Variants in RP1 observed in about 807,000 individuals in gnomAD.
The protein encoded by RP1 is RP1 axonemal microtubule associated.
In RP1, 16 loss-of-function variants were observed where a neutral mutation model predicts 14.8. The ratio of observed to expected loss-of-function variants is 1.08; its 90% CI spans 0.73 to 1.65. The LOEUF (loss-of-function observed/expected upper bound fraction) is 1.65. Among genes scored for constraint, RP1 ranks in the 40% most tolerant of loss-of-function variants. RP1 has a pLI of 0.00. For synonymous variants in RP1, 876 were observed against 883.6 expected, an observed-to-expected ratio of 0.99 and a Z score of 0.15; for missense variants, 2,631 against 2,535.0, an observed-to-expected ratio of 1.04 and a Z score of -0.81.
chr8:54,602,316 T>A (rs1158666186), intron 1 of RP1, among the ~76,000 whole-genome samples: 1 of 152,230 alleles, frequency 6.6e-6, no homozygotes, highest in East Asian at 1.9e-4. Flanking sequence ...GACAGTTTGC[T>A]GAGAATGATG....
intron 23 of RP1, among the ~76,000 whole-genome samples, chr8:54,779,099 G>A (rs936140799): frequency 2.6e-5 from 4 of 151,976 alleles, no homozygotes; most frequent in Non-Finnish European, 4.4e-5. Flanking sequence ...CGACTTCTCC[G>A]CCAAGTAAGA....
chr8:54,809,499 G>C (rs1354860468), intron 24 of RP1, among the ~76,000 whole-genome samples: 3 of 152,214 alleles, frequency 2.0e-5, no homozygotes, highest in Non-Finnish European at 4.4e-5. Context: ...CAGTATGCTA[G>C]TAGTAGCAGA....
chr8:54,814,081 C>A (rs544527315), intron 24 of RP1, among the ~76,000 whole-genome samples: 1 of 152,276 alleles, frequency 6.6e-6, no homozygotes, highest in South Asian at 2.1e-4. Context: ...GGCAGAGAAT[C>A]TCCTTACCTC....
chr8:54,710,002 T>C (rs1808257496), intron 15 of RP1, among the ~76,000 whole-genome samples: 1 of 152,230 alleles, frequency 6.6e-6, no homozygotes, highest in Non-Finnish European at 1.5e-5. Flanking sequence ...TGGCTGGCCA[T>C]GCCATCAGGG....
chr8:54,859,898 C>A (rs1400190158), intron 27 of RP1, among the ~76,000 whole-genome samples: 6 of 152,198 alleles, frequency 3.9e-5, no homozygotes, highest in East Asian at 3.9e-4. Flanking sequence ...GTTAGTAGAA[C>A]CCCCAGACTC....
chr8:54,751,704 AC>A (rs1487489560), intron 19 of RP1, among the ~76,000 whole-genome samples: 2 of 152,346 alleles, frequency 1.3e-5, no homozygotes, highest in African/African-American at 4.8e-5. Context: ...CTATCATGTA[AC>A]GGGGCTTAAA....
intron 24 of RP1, among the ~76,000 whole-genome samples, chr8:54,800,574 G>A (rs944643790): frequency 6.6e-6 from 1 of 151,936 alleles, no homozygotes; most frequent in Non-Finnish European, 1.5e-5. Flanking sequence ...AAATCTTTGT[G>A]TTTCAATTAA....
chr8:54,774,672 T>C (rs887739466), downstream of RP1, among the ~76,000 whole-genome samples: 6 of 152,186 alleles, frequency 3.9e-5, no homozygotes, highest in African/African-American at 1.2e-4. Flanking sequence ...TTCTAGAACA[T>C]TGGCTCACAC....
At chr8:54,791,369 C>T (rs994444866) in intron 24 of RP1, among the ~76,000 whole-genome samples, 2 of 152,052 alleles carry the variant, frequency 1.3e-5, no homozygotes, top group African/African-American at 2.4e-5. Context: ...AATGAAAAGA[C>T]ACTAATTAAC....
At chr8:54,668,473 G>A (rs1428844288) in intron 7 of RP1, among the ~76,000 whole-genome samples, 3 of 152,106 alleles carry the variant, frequency 2.0e-5, no homozygotes, top group Admixed American at 6.6e-5. Context: ...TAGATTCAAT[G>A]CCATCCCCAT....
At chr8:54,701,718 C>T in intron 14 of RP1, 1 of 1,461,562 alleles carries the variant, frequency 6.8e-7, no homozygotes, top group Non-Finnish European at 9.2e-7. Flanking sequence ...TTTCTTTTGC[C>T]CTATTGAGCA....
chr8:54,856,201 T>A (rs1049668089), intron 26 of RP1, among the ~76,000 whole-genome samples: 1 of 152,156 alleles, frequency 6.6e-6, no homozygotes, highest in Non-Finnish European at 1.5e-5. Flanking sequence ...GGAGCAAGAA[T>A]GCACTGTAGG....
intron 3 of RP1, 82 bp from the exon 4 acceptor site, chr8:54,624,587 CT>C: frequency 5.8e-6 from 8 of 1,377,054 alleles, no homozygotes; most frequent in Non-Finnish European, 8.2e-6. Context: ...TTTTTGCTGC[CT>C]CTTCCTTTGG....
intron 1 of RP1, among the ~76,000 whole-genome samples, chr8:54,585,252 A>G (rs540655358): frequency 2.0e-5 from 3 of 152,290 alleles, no homozygotes; most frequent in African/African-American, 7.2e-5. Flanking sequence ...TCCTTCACTT[A>G]CGAAGCTTAG....
chr8:54,686,261 G>A (rs948097732), intron 12 of RP1, among the ~76,000 whole-genome samples: 18 of 152,046 alleles, frequency 1.2e-4, no homozygotes, highest in African/African-American at 2.9e-4. Flanking sequence ...TCACACTAAC[G>A]AATCAGTTTT....
chr8:54,804,908 C>T (rs1174888630), intron 24 of RP1, among the ~76,000 whole-genome samples: 2 of 152,160 alleles, frequency 1.3e-5, no homozygotes, highest in Non-Finnish European at 2.9e-5. Flanking sequence ...GCATTATACC[C>T]TAATAATGGA....
chr8:54,581,712 A>ATGG (rs1804795798), intron 1 of RP1, among the ~76,000 whole-genome samples: 1 of 152,092 alleles, frequency 6.6e-6, no homozygotes, highest in Admixed American at 6.5e-5. Context: ...CTGGTGTGAG[A>ATGG]TGGTATCTCA....
chr8:54,614,947 C>T (rs527609366), upstream of RP1, among the ~76,000 whole-genome samples: 120 of 152,192 alleles, frequency 7.9e-4, no homozygotes, highest in African/African-American at 2.6e-3. Flanking sequence ...CTGCATTAGT[C>T]CTTAGCTATT....
At chr8:54,843,284 G>A (rs752253396) in intron 25 of RP1, among the ~76,000 whole-genome samples, 26 of 152,114 alleles carry the variant, frequency 1.7e-4, no homozygotes, top group Admixed American at 1.4e-3. Context: ...GTTTTGCCAC[G>A]TTGGCCAGGC....
Sources: gnomAD v4.1 joint callset for allele counts (sites outside exome capture counted in the v4.1 genomes callset) on GRCh38, gnomAD v4.1.1 for gene constraint, MANE v1.5 for transcripts, NCBI Gene and HGNC (gene_info 2026-07-23, HGNC 2026-07-21) for gene names.